FLNB: variants seen among roughly 807,000 people sequenced by gnomAD.
FLNB encodes the protein filamin B, also known as filamin-B.
FLNB carries 111 observed loss-of-function variants against 250.6 expected under a neutral mutation model. The observed-to-expected ratio is 0.44, with a 90% CI of 0.38 to 0.52. The LOEUF (loss-of-function observed/expected upper bound fraction) is 0.52. FLNB is among the 20% of genes least tolerant of loss of function. The pLI, the probability that FLNB is intolerant of heterozygous loss-of-function variation, is 0.00. For missense variants in FLNB, 2,869 were observed against 3,447.8 expected (o/e 0.83, Z 4.20); for synonymous variants, 1,302 against 1,372.1 (o/e 0.95, Z 1.13).
intron 1 of FLNB, among the ~76,000 whole-genome samples, chr3:58,055,745 C>T (rs1427521698): frequency 6.6e-6 from 1 of 152,186 alleles, no homozygotes; most frequent in Non-Finnish European, 1.5e-5. Flanking sequence ...CTTGGGCTCT[C>T]TGAAGACTGT....
intron 7 of FLNB, 40 bp downstream of exon 7, chr3:58,098,017 T>C: frequency 6.2e-7 from 1 of 1,607,030 alleles, no homozygotes; most frequent in Non-Finnish European, 8.5e-7. Flanking sequence ...CTTTGCGCTT[T>C]CTTCCAGAGG....
intron 1 of FLNB, among the ~76,000 whole-genome samples, chr3:58,009,249 C>G (rs1213006731): frequency 1.3e-5 from 2 of 152,192 alleles, no homozygotes; most frequent in Admixed American, 6.5e-5. Context: ...GGAGTGCTCT[C>G]CCTGCTGCGC....
chr3:58,166,957 C>A (rs1021820066), intron 43 of FLNB, among the ~76,000 whole-genome samples: 1 of 152,136 alleles, frequency 6.6e-6, no homozygotes, highest in African/African-American at 2.4e-5. Context: ...GAGACCCCAT[C>A]TCTACTAAAG....
At chr3:58,067,228 A>G (rs1329604924) in intron 1 of FLNB, among the ~76,000 whole-genome samples, 1 of 151,476 alleles carries the variant, frequency 6.6e-6, no homozygotes, top group Non-Finnish European at 1.5e-5. Flanking sequence ...TGGCCTCAGA[A>G]TCCTTCTCAA....
At chr3:58,154,667 G>C in intron 39 of FLNB, 124 bp from the exon 40 acceptor site, 2 of 1,018,684 alleles carry the variant, frequency 2.0e-6, no homozygotes, top group Non-Finnish European at 3.1e-6. Flanking sequence ...TTCTGCTTGG[G>C]GTTGGAGAAA....
chr3:58,069,514 T>C (rs1460070353), intron 1 of FLNB, among the ~76,000 whole-genome samples: 1 of 152,112 alleles, frequency 6.6e-6, no homozygotes, highest in Admixed American at 6.5e-5. Flanking sequence ...GTGCTGGGAT[T>C]ATAGGCGTGA....
chr3:58,128,204 CT>C (rs1237039714), intron 24 of FLNB, among the ~76,000 whole-genome samples: 1 of 152,174 alleles, frequency 6.6e-6, no homozygotes, highest in African/African-American at 2.4e-5. Flanking sequence ...TGACCACACG[CT>C]TTCCTGATTC....
chr3:58,132,692 T>A (rs2097309462), intron 25 of FLNB, 116 bp from the exon 26 acceptor site: 2 of 1,304,386 alleles, frequency 1.5e-6, no homozygotes, highest in Non-Finnish European at 2.2e-6. Flanking sequence ...TTTTTGTTAC[T>A]CATCAGTGGA....
At chr3:58,145,630 T>A (rs1275293569) in intron 32 of FLNB, among the ~76,000 whole-genome samples, 2 of 152,186 alleles carry the variant, frequency 1.3e-5, no homozygotes, top group African/African-American at 4.8e-5. Flanking sequence ...GTTTCTTCCT[T>A]ATTTGTCAGG....
intron 5 of FLNB, 38 bp from the exon 6 acceptor site, chr3:58,096,103 C>G: frequency 4.6e-6 from 7 of 1,522,046 alleles, no homozygotes; most frequent in Non-Finnish European, 6.4e-6. Context: ...TACTCACACC[C>G]GGCACCTTTT....
intron 1 of FLNB, among the ~76,000 whole-genome samples, chr3:58,045,957 C>G (rs1461864765): frequency 1.5e-5 from 2 of 134,942 alleles, no homozygotes; most frequent in Admixed American, 8.7e-5. Context: ...CAAGATCATA[C>G]CACTGCACTA....
chr3:58,056,073 TTTTATTTA>T (rs1197071012), intron 1 of FLNB, among the ~76,000 whole-genome samples: 64 of 145,080 alleles, frequency 4.4e-4, no homozygotes, highest in Admixed American at 1.3e-3. Flanking sequence ...CATTAATAAA[TTTTATTTA>T]TTTATTTATT....
intron 41 of FLNB, among the ~76,000 whole-genome samples, chr3:58,158,066 G>A (rs564372064): frequency 1.3e-3 from 194 of 147,320 alleles, no homozygotes; most frequent in Non-Finnish European, 2.3e-3. Flanking sequence ...GTTTTGTCTT[G>A]CTTTTGAGAC....
intron 1 of FLNB, among the ~76,000 whole-genome samples, chr3:58,025,215 G>T (rs1452942624): frequency 7.3e-6 from 1 of 137,266 alleles, no homozygotes; most frequent in Admixed American, 8.1e-5. Flanking sequence ...TTGCAGCCTC[G>T]ACCTCCAGGA....
rs778288717 is a variant in FLNB, at chr3:58,168,556, A to G, written c.7315A>G (p.Lys2439Glu). The G allele has an allele frequency of 6.2e-7, 1 of 1,614,156 alleles. No individual in the cohort carries two copies. The highest frequency in any genetic ancestry group is 2.2e-5 in the East Asian group (1 of 44,888). The change falls in exon 44 of 46, where the codon AAA becomes GAA. Residue 2439 changes from lysine (K) to glutamate (E), a missense_variant. Physicochemically the swap from Lys to Glu is moderately conservative, Grantham distance 56. Transcript: ENST00000295956. ...MDCQETPEGYKVMYTPMAPGN... is the reference protein window; with the variant it reads ...MDCQETPEGYEVMYTPMAPGN... Reference sequence around the variant, plus strand: ...TTGCCAGGAAACACCTGAAGGGTACAAAGTCATGTACACCCCCATGGCTCC... The same window carrying G: ...TTGCCAGGAAACACCTGAAGGGTACGAAGTCATGTACACCCCCATGGCTCC...
chr3:58,039,234 A>G (rs371838207), intron 1 of FLNB, among the ~76,000 whole-genome samples: 12 of 151,464 alleles, frequency 7.9e-5, no homozygotes, highest in African/African-American at 2.7e-4. Context: ...AAGTATCATC[A>G]GAACTGTTGA....
chr3:58,155,825 C>T, intron 40 of FLNB, 135 bp from the exon 41 acceptor site: 2 of 686,642 alleles, frequency 2.9e-6, no homozygotes, highest in Admixed American at 2.0e-5. Context: ...AGCCAGGCGA[C>T]TCCCACTCAA....
intron 1 of FLNB, among the ~76,000 whole-genome samples, chr3:58,066,192 TTTAAG>T (rs1371903273): frequency 8.6e-5 from 13 of 151,928 alleles, no homozygotes; most frequent in Non-Finnish European, 5.9e-5. Flanking sequence ...TTTCTTCTTC[TTTAAG>T]TTTTCTTTTT....
chr3:58,087,547 G>A (rs971834831), intron 4 of FLNB, among the ~76,000 whole-genome samples: 2 of 151,912 alleles, frequency 1.3e-5, no homozygotes, highest in South Asian at 2.1e-4. Context: ...TCTGCTGCCC[G>A]GGTTCAAGCG....
Sources: allele counts gnomAD v4.1 joint callset (sites outside exome capture counted in the v4.1 genomes callset), GRCh38; gene constraint gnomAD v4.1.1; transcripts MANE v1.5; gene names NCBI Gene and HGNC (gene_info 2026-07-23, HGNC 2026-07-21).